Variants in PXDNL observed in about 807,000 individuals in gnomAD.
The protein encoded by PXDNL is peroxidasin like.
PXDNL carries 145 observed loss-of-function variants against 150.8 expected under a neutral mutation model. The observed-to-expected ratio is 0.96, with a 90% CI of 0.84 to 1.10. The LOEUF (loss-of-function observed/expected upper bound fraction) is 1.10, where lower values mean the gene tolerates loss of function less well. Ranked by LOEUF, PXDNL falls within the 50% of genes least tolerant of loss-of-function variation. The probability of loss-of-function intolerance (pLI) is 0.00; values close to 1 mark genes in which losing one functional copy is unlikely to be tolerated. For missense variants in PXDNL, 2,087 were observed against 1,873.9 expected, an observed-to-expected ratio of 1.11 and a Z score of -2.10; for synonymous variants, 757 against 725.7, an observed-to-expected ratio of 1.04 and a Z score of -0.69.
chr8:51,451,125 A>T (rs1809799663), intron 10 of PXDNL, among the ~76,000 whole-genome samples: 1 of 151,026 alleles, frequency 6.6e-6, no homozygotes, highest in South Asian at 2.1e-4. Context: ...AACATATTAA[A>T]ATTTAATTTT....
chr8:51,611,310 AG>A (rs1217124294), intron 2 of PXDNL, among the ~76,000 whole-genome samples: 1 of 152,000 alleles, frequency 6.6e-6, no homozygotes, highest in Non-Finnish European at 1.5e-5. Flanking sequence ...TAGCAATTTC[AG>A]CATAGCAGTT....
chr8:51,376,949 ACCT>A (rs1176312103), intron 17 of PXDNL, among the ~76,000 whole-genome samples: 1 of 151,810 alleles, frequency 6.6e-6, no homozygotes, highest in Non-Finnish European at 1.5e-5. Context: ...CGATCTCCTG[ACCT>A]CCTGATCCAC....
intron 1 of PXDNL, among the ~76,000 whole-genome samples, chr8:51,744,829 CAG>C (rs2036959744): frequency 8.0e-6 from 1 of 124,800 alleles, no homozygotes; most frequent in Non-Finnish European, 1.7e-5. Flanking sequence ...GAAGGACAGA[CAG>C]AAAGAAAAGG....
intron 1 of PXDNL, among the ~76,000 whole-genome samples, chr8:51,719,057 C>T (rs1816675328): frequency 6.6e-6 from 1 of 151,828 alleles, no homozygotes; most frequent in South Asian, 2.1e-4. Context: ...TCCGCCCGGC[C>T]GCCACCCCGT....
At chr8:51,354,831 A>G (rs980179204) in intron 19 of PXDNL, among the ~76,000 whole-genome samples, 3 of 152,040 alleles carry the variant, frequency 2.0e-5, no homozygotes, top group African/African-American at 7.2e-5. Context: ...AGAACTTATG[A>G]GAGGGTTATT....
chr8:51,334,009 G>GAAT (rs1805769452), intron 21 of PXDNL, among the ~76,000 whole-genome samples: 1 of 151,996 alleles, frequency 6.6e-6, no homozygotes, highest in Non-Finnish European at 1.5e-5. Flanking sequence ...AACAACCATA[G>GAAT]AATACACATT....
intron 1 of PXDNL, among the ~76,000 whole-genome samples, chr8:51,764,826 C>A (rs1349377781): frequency 1.3e-5 from 2 of 152,238 alleles, no homozygotes; most frequent in Admixed American, 1.3e-4. Context: ...GGTCTAGCTG[C>A]GTTATGGTGT....
chr8:51,515,184 C>T (rs996335804), intron 4 of PXDNL, among the ~76,000 whole-genome samples: 5 of 152,108 alleles, frequency 3.3e-5, no homozygotes, highest in African/African-American at 1.2e-4. Flanking sequence ...GAGGGACAAT[C>T]GGGGTGATAT....
chr8:51,698,032 C>T (rs1263225629), intron 1 of PXDNL, among the ~76,000 whole-genome samples: 1 of 152,174 alleles, frequency 6.6e-6, no homozygotes, highest in Non-Finnish European at 1.5e-5. Context: ...GTGCTAATGA[C>T]CATCTGAGCC....
intron 4 of PXDNL, among the ~76,000 whole-genome samples, chr8:51,543,151 A>T (rs1342278288): frequency 6.6e-6 from 1 of 152,218 alleles, no homozygotes; most frequent in African/African-American, 2.4e-5. Context: ...AAGATTTAGA[A>T]TTTTAAAGTG....
At chr8:51,802,175 T>G (rs1487355174) in intron 1 of PXDNL, among the ~76,000 whole-genome samples, 1 of 152,108 alleles carries the variant, frequency 6.6e-6, no homozygotes, top group Non-Finnish European at 1.5e-5. Context: ...TTCAAGGTTT[T>G]TTTTTTTTTA....
intron 4 of PXDNL, among the ~76,000 whole-genome samples, chr8:51,529,284 T>C (rs1218346620): frequency 6.6e-6 from 1 of 152,238 alleles, no homozygotes; most frequent in African/African-American, 2.4e-5. Flanking sequence ...ACTGTCTTTC[T>C]GGATGCTAAT....
intron 9 of PXDNL, among the ~76,000 whole-genome samples, chr8:51,455,396 G>T (rs1395280817): frequency 6.6e-6 from 1 of 152,050 alleles, no homozygotes; most frequent in Non-Finnish European, 1.5e-5. Context: ...AGATTTACAT[G>T]TGAAGATAAA....
intron 7 of PXDNL, among the ~76,000 whole-genome samples, chr8:51,472,783 C>G (rs1381293539): frequency 1.3e-5 from 2 of 152,088 alleles, no homozygotes; most frequent in African/African-American, 4.8e-5. Flanking sequence ...ATGAATGATT[C>G]CATCTTCCAA....
chr8:51,654,573 A>G, intron 2 of PXDNL, 116 bp downstream of exon 2: 2 of 748,020 alleles, frequency 2.7e-6, no homozygotes. Context: ...TAAGACATCT[A>G]CAAGGTGTCA....
At chr8:51,748,252 A>G (rs1191063100) in intron 1 of PXDNL, among the ~76,000 whole-genome samples, 1 of 152,252 alleles carries the variant, frequency 6.6e-6, no homozygotes, top group East Asian at 1.9e-4. Flanking sequence ...ATAACAAGTT[A>G]ACGTTTGCCT....
chr8:51,560,891 G>C (rs1480737654), intron 3 of PXDNL, among the ~76,000 whole-genome samples: 1 of 151,320 alleles, frequency 6.6e-6, no homozygotes, highest in Non-Finnish European at 1.5e-5. Flanking sequence ...ATCTGATAAG[G>C]AGTTAATATC....
intron 1 of PXDNL, among the ~76,000 whole-genome samples, chr8:51,783,159 G>C (rs2129250503): frequency 6.6e-6 from 1 of 152,316 alleles, no homozygotes; most frequent in African/African-American, 2.4e-5. Context: ...CATTATTCCA[G>C]TTTCTTTTGC....
chr8:51,455,115 CAAAAAA>C (rs536468204), intron 9 of PXDNL, among the ~76,000 whole-genome samples: 1 of 15,864 alleles, frequency 6.3e-5, no homozygotes, highest in Non-Finnish European at 1.0e-4. Flanking sequence ...GACTCCGTCT[CAAAAAA>C]AAAAAAAAAA....
Sources: allele counts gnomAD v4.1 joint callset (sites outside exome capture counted in the v4.1 genomes callset), GRCh38; gene constraint gnomAD v4.1.1; transcripts MANE v1.5; gene names NCBI Gene and HGNC (gene_info 2026-07-23, HGNC 2026-07-21).